ELP3: variants seen among roughly 807,000 people sequenced by gnomAD.
The protein encoded by ELP3 is elongator acetyltransferase complex subunit 3.
A neutral mutation model predicts 74.9 loss-of-function variants in ELP3; 56 were observed. The ratio of observed to expected loss-of-function variants is 0.75; its 90% CI spans 0.60 to 0.93. The LOEUF (loss-of-function observed/expected upper bound fraction) is 0.93, where lower values mean the gene tolerates loss of function less well. Ranked by LOEUF, ELP3 falls within the 40% of genes least tolerant of loss-of-function variation. ELP3 has a pLI of 0.00. For synonymous variants in ELP3, 222 were observed against 239.8 expected (o/e 0.93, Z 0.68); for missense variants, 573 against 686.5 (o/e 0.83, Z 1.85).
At chr8:28,157,713 T>C (rs1190035646) in intron 11 of ELP3, among the ~76,000 whole-genome samples, 8 of 152,178 alleles carry the variant, frequency 5.3e-5, no homozygotes, top group Non-Finnish European at 8.8e-5. Context: ...GGGGGAAATA[T>C]ACCATAAGAT....
chr8:28,181,991 A>G (rs537602618), intron 14 of ELP3, among the ~76,000 whole-genome samples: 5 of 152,356 alleles, frequency 3.3e-5, no homozygotes, highest in Non-Finnish European at 5.9e-5. Flanking sequence ...AGATGGAGTT[A>G]GAATCACAAG....
intron 13 of ELP3, among the ~76,000 whole-genome samples, chr8:28,161,010 T>C (rs556670869): frequency 2.9e-4 from 44 of 152,262 alleles, no homozygotes; most frequent in South Asian, 6.2e-4. Flanking sequence ...TTAGTATTTT[T>C]GAAAGTAAGA....
chr8:28,180,248 T>C lies in ELP3; in HGVS notation c.1568-9401T>C, dbSNP rs569396569. On this transcript the variant is annotated intron_variant, in intron 14 of 14. Coordinates refer to ENST00000256398, the MANE Select transcript of ELP3 (RefSeq NM_018091.6). ...TCCCATTCTCCCTCACCTCTCTTCC[T>C]GTGACTCCAGTTAAACATATTTTAG... Among the ~76,000 whole-genome samples the C allele has an allele frequency of 2.4e-4, 37 of 152,306 alleles. 1 individual carries two copies. The highest frequency in any genetic ancestry group is 4.4e-5 in the Non-Finnish European group (3 of 68,026).
At chr8:28,163,045 G>A (rs770592376) in intron 14 of ELP3, among the ~76,000 whole-genome samples, 1 of 152,184 alleles carries the variant, frequency 6.6e-6, no homozygotes, top group Non-Finnish European at 1.5e-5. Flanking sequence ...TTGCGGTAGT[G>A]TGTTCTGAAC....
intron 7 of ELP3, chr8:28,113,809 A>C (rs1812017223): frequency 6.6e-6 from 1 of 152,198 alleles, no homozygotes; most frequent in Non-Finnish European, 1.5e-5. Flanking sequence ...AATGGCATTA[A>C]TCTTACCCAC....
At chr8:28,188,027 G>C (rs1291515841) in intron 14 of ELP3, among the ~76,000 whole-genome samples, 1 of 152,166 alleles carries the variant, frequency 6.6e-6, no homozygotes. Flanking sequence ...AGGGCAGCCA[G>C]CGAGCTAGAG....
chr8:28,157,893 A>C (rs59653833), intron 11 of ELP3, among the ~76,000 whole-genome samples: 5,188 of 152,206 alleles, frequency 0.034, 324 homozygotes, highest in African/African-American at 0.12. Context: ...AGGCAGCTCC[A>C]TGCCTTCTCA....
rs1813220673 is a variant in ELP3, at chr8:28,141,121, T to C, written c.1100+3230T>C. ...GAACCAACTACCGACTGTACATAGT[T>C]GCAGAGTATCTCCCCCACCATACTT... On this transcript the variant is annotated intron_variant, in intron 10 of 14. Transcript: ENST00000256398. 3.9e-5 allele frequency among the ~76,000 whole-genome samples: 6 copies of C among 152,184 alleles called. No individual in the cohort carries two copies. In the South Asian group the frequency reaches 1.2e-3, roughly 32 times the overall value.
At chr8:28,135,023 G>A (rs1448339275) in intron 9 of ELP3, among the ~76,000 whole-genome samples, 2 of 151,816 alleles carry the variant, frequency 1.3e-5, no homozygotes, top group Non-Finnish European at 2.9e-5. Flanking sequence ...CTGCCTCCCG[G>A]GTTCAAGCAA....
intron 6 of ELP3, chr8:28,110,714 G>T: frequency 3.2e-6 from 1 of 316,194 alleles, no homozygotes; most frequent in Non-Finnish European, 5.8e-6. Flanking sequence ...GAAATTTGTG[G>T]AATAAAGATG....
At chr8:28,112,762 C>T (rs375766949) in intron 6 of ELP3, 68 of 275,688 alleles carry the variant, frequency 2.5e-4, no homozygotes, top group African/African-American at 1.4e-3. Context: ...TTTAAATTTC[C>T]GCTTTGTAGG....
chr8:28,110,262 C>T (rs1209158004), intron 5 of ELP3, 108 bp from the exon 6 acceptor site: 33 of 955,648 alleles, frequency 3.5e-5, no homozygotes, highest in Middle Eastern at 2.1e-4. Context: ...GTACAAGCCA[C>T]GTTTTCAGTG....
At chr8:28,123,123 C>CA (rs778469801) in intron 7 of ELP3, among the ~76,000 whole-genome samples, 1 of 151,652 alleles carries the variant, frequency 6.6e-6, no homozygotes, top group Admixed American at 6.6e-5. Flanking sequence ...GACTCCTTCT[C>CA]AAAAAAAGAG....
At chr8:28,141,954 G>A (rs1813256009) in intron 10 of ELP3, among the ~76,000 whole-genome samples, 1 of 152,178 alleles carries the variant, frequency 6.6e-6, no homozygotes, top group South Asian at 2.1e-4. Context: ...GCAATCAGAT[G>A]AAGAATTTGC....
At chr8:28,139,832 C>G (rs1052098481) in intron 10 of ELP3, among the ~76,000 whole-genome samples, 3 of 152,156 alleles carry the variant, frequency 2.0e-5, no homozygotes, top group African/African-American at 7.2e-5. Context: ...GTAATCCCAG[C>G]TACTCAGGAG....
chr8:28,182,914 G>T (rs1237512496), intron 14 of ELP3, among the ~76,000 whole-genome samples: 1 of 152,180 alleles, frequency 6.6e-6, no homozygotes, highest in Admixed American at 6.5e-5. Flanking sequence ...GGTCTCCTCC[G>T]GGTTGGAGAT....
At chr8:28,153,307 A>C (rs1030259125) in intron 10 of ELP3, among the ~76,000 whole-genome samples, 1 of 152,234 alleles carries the variant, frequency 6.6e-6, no homozygotes, top group Non-Finnish European at 1.5e-5. Context: ...GTAAATTATC[A>C]GTCTGTCTAG....
chr8:28,093,220 GC>G lies in ELP3; in HGVS notation c.7del (p.Gln3ArgfsTer12). The G allele has an allele frequency of 6.2e-7, 1 of 1,613,296 alleles. No individual in the cohort carries two copies. Among genetic ancestry groups the G allele is most frequent in the Non-Finnish European group, 8.5e-7 (1 of 1,179,916 alleles). MR[Q>X]KRKGDLSPAE... ...TCTGCTACGGCGGCGCAGAAATGAGGCAGAAGCGGAAAGGTGCGAAAGGGGA... is the reference window on the plus strand; with the variant it reads ...TCTGCTACGGCGGCGCAGAAATGAGGAGAAGCGGAAAGGTGCGAAAGGGGA... On this transcript the variant is annotated frameshift_variant, in exon 1 of 15. Coordinates refer to ENST00000256398, the MANE Select transcript of ELP3 (RefSeq NM_018091.6). LOFTEE classifies it high-confidence loss of function.
At chr8:28,128,557 G>C (rs1305966589) in intron 7 of ELP3, among the ~76,000 whole-genome samples, 1 of 152,194 alleles carries the variant, frequency 6.6e-6, no homozygotes, top group Non-Finnish European at 1.5e-5. Context: ...GTGGTAACTG[G>C]AATACAGAGC....
Sources: gnomAD v4.1 joint callset for allele counts (sites outside exome capture counted in the v4.1 genomes callset) on GRCh38, gnomAD v4.1.1 for gene constraint, MANE v1.5 for transcripts, NCBI Gene and HGNC (gene_info 2026-07-23, HGNC 2026-07-21) for gene names.